Variants in ADH1A observed in about 807,000 individuals in gnomAD.
ADH1A encodes the protein alcohol dehydrogenase 1A (class I), alpha polypeptide, also known as alcohol dehydrogenase 1A.
A neutral mutation model predicts 35.2 loss-of-function variants in ADH1A; 29 were observed. The observed-to-expected ratio is 0.82, with a 90% CI of 0.61 to 1.12. ADH1A has a LOEUF of 1.12. Among genes scored for constraint, ADH1A ranks in the 50% most tolerant of loss-of-function variants. The pLI, the probability that ADH1A is intolerant of heterozygous loss-of-function variation, is 0.00. For missense variants in ADH1A, 469 were observed against 464.7 expected (o/e 1.01, Z -0.09); for synonymous variants, 147 against 164.8 (o/e 0.89, Z 0.83).
chr4:99,285,819 G>A (rs968251090), intron 3 of ADH1A, among the ~76,000 whole-genome samples: 2 of 151,770 alleles, frequency 1.3e-5, no homozygotes, highest in Admixed American at 6.6e-5. Context: ...TCAGGAGATC[G>A]AGACCATCCT....
At chr4:99,289,384 A>T (rs1733237408) in intron 1 of ADH1A, among the ~76,000 whole-genome samples, 1 of 152,176 alleles carries the variant, frequency 6.6e-6, no homozygotes, top group Admixed American at 6.5e-5. Context: ...CTCAGTGATT[A>T]ACTAATTTCT....
At chr4:99,289,166 G>C (rs1453496553) in intron 1 of ADH1A, among the ~76,000 whole-genome samples, 1 of 152,174 alleles carries the variant, frequency 6.6e-6, no homozygotes, top group Non-Finnish European at 1.5e-5. Flanking sequence ...TTTAATGGCT[G>C]AGTAGTATTC....
intron 6 of ADH1A, among the ~76,000 whole-genome samples, chr4:99,281,650 T>G (rs1560517401): frequency 6.6e-6 from 1 of 152,174 alleles, no homozygotes; most frequent in African/African-American, 2.4e-5. Context: ...TATGACAGGC[T>G]GCACTGTGCT....
rs183414252 is a variant in ADH1A at position 99,276,600 on chromosome 4, A to T, written c.*24T>A. ...AGGGTAGAGGAGGCTGAAGACTGCC[A>T]CAAGGGAAAACATCTGTATTGTCTC... On this transcript the variant is annotated 3_prime_UTR_variant, in exon 9 of 9. Coordinates refer to ENST00000209668, the MANE Select transcript of ADH1A (RefSeq NM_000667.4). The T allele has an allele frequency of 9.1e-5, 146 of 1,606,174 alleles. 1 individual carries two copies. The Middle Eastern group carries it at 1.8e-3, about 20-fold the overall frequency.
chr4:99,282,231 G>A, intron 6 of ADH1A, 115 bp downstream of exon 6: 2 of 1,596,930 alleles, frequency 1.3e-6, no homozygotes, highest in Non-Finnish European at 1.7e-6. Flanking sequence ...CAGATGATGG[G>A]AAATTTCCAT....
chr4:99,290,243 G>A (rs1226366375), intron 1 of ADH1A, among the ~76,000 whole-genome samples: 2 of 152,056 alleles, frequency 1.3e-5, no homozygotes, highest in African/African-American at 4.8e-5. Context: ...TTAATTTTCT[G>A]TAAAACCATA....
chr4:99,286,607 A>G (rs28364300), intron 3 of ADH1A: 1 of 517,868 alleles, frequency 1.9e-6, no homozygotes, highest in African/African-American at 1.9e-5. Context: ...CCAGGCTCCA[A>G]CCTGGTGACT....
intron 5 of ADH1A, 106 bp from the exon 6 acceptor site, chr4:99,282,712 A>G (rs1270421385): frequency 1.3e-6 from 2 of 1,507,302 alleles, no homozygotes; most frequent in African/African-American, 1.4e-5. Context: ...CTGTTATCAA[A>G]ACCTCTTTTG....
intron 3 of ADH1A, 39 bp from the exon 4 acceptor site, chr4:99,284,842 C>A: frequency 6.4e-7 from 1 of 1,569,496 alleles, no homozygotes; most frequent in South Asian, 1.1e-5. Context: ...CAATTTCTAT[C>A]CAGGTATTAA....
chr4:99,286,646 T>C, intron 3 of ADH1A: 1 of 785,572 alleles, frequency 1.3e-6, no homozygotes, highest in Non-Finnish European at 2.0e-6. Flanking sequence ...AGTACATAAT[T>C]GTTGAAGGGT....
At chr4:99,281,295 G>T (rs892086405) in intron 6 of ADH1A, 1 of 152,294 alleles carries the variant, frequency 6.6e-6, no homozygotes, top group Middle Eastern at 3.4e-3. Context: ...GACTTTTTCA[G>T]TAGGATTCTA....
chr4:99,288,837 G>A (rs1172293829), intron 1 of ADH1A: 1 of 152,086 alleles, frequency 6.6e-6, no homozygotes, highest in Admixed American at 6.6e-5. Context: ...AATTTCAATA[G>A]TTTTTGGGGT....
chr4:99,282,096 CA>C (rs1733020409), intron 6 of ADH1A: 1 of 609,564 alleles, frequency 1.6e-6, no homozygotes, highest in African/African-American at 1.8e-5. Flanking sequence ...AATCTATTAT[CA>C]CTCAGTTAAG....
intron 1 of ADH1A, among the ~76,000 whole-genome samples, chr4:99,289,110 A>G (rs960989834): frequency 3.9e-5 from 6 of 152,186 alleles, no homozygotes; most frequent in African/African-American, 1.4e-4. Context: ...AATGGTCTCC[A>G]GCTCCATCCA....
intron 1 of ADH1A, among the ~76,000 whole-genome samples, chr4:99,290,276 A>C (rs1271979254): frequency 2.0e-5 from 3 of 152,172 alleles, no homozygotes; most frequent in Non-Finnish European, 4.4e-5. Flanking sequence ...TGGGGAAGAT[A>C]CTGTTCCATA....
chr4:99,290,697 C>A (rs1306079184), intron 1 of ADH1A, among the ~76,000 whole-genome samples, 200 bp downstream of exon 1: 2 of 152,078 alleles, frequency 1.3e-5, no homozygotes, highest in African/African-American at 4.8e-5. Flanking sequence ...TCTATACATT[C>A]TTTTTGAAGG....
chr4:99,276,866 G>A (rs536060697), intron 8 of ADH1A, among the ~76,000 whole-genome samples: 10 of 152,204 alleles, frequency 6.6e-5, no homozygotes, highest in African/African-American at 2.4e-4. Flanking sequence ...AACATTCTGA[G>A]TATGCCTGTC....
intron 8 of ADH1A, among the ~76,000 whole-genome samples, chr4:99,277,430 GTCTTTGTGAC>G (rs1732897770): frequency 6.6e-6 from 1 of 151,810 alleles, no homozygotes; most frequent in African/African-American, 2.4e-5. Context: ...GAAAATGATG[GTCTTTGTGAC>G]TCTTTAATAA....
rs1733104359 is a variant in ADH1A, at chr4:99,284,771, A to G, written c.292T>C (p.Cys98Arg). The G allele has an allele frequency of 6.2e-7, 1 of 1,614,192 alleles. No individual in the cohort carries two copies. The highest frequency in any genetic ancestry group is 8.5e-7 in the Non-Finnish European group (1 of 1,180,034). ...DKVIPLAIPQCGKCRICKNPE... is the reference protein window; with the variant it reads ...DKVIPLAIPQRGKCRICKNPE... Reference sequence around the variant, plus strand: ...TTTTTACAAATTCTGCATTTTCCACACTGAGGAATAGCGAGTGGGATGACT... The same window carrying G: ...TTTTTACAAATTCTGCATTTTCCACGCTGAGGAATAGCGAGTGGGATGACT... The change falls in exon 4 of 9, where the codon TGT becomes CGT. Residue 98 changes from cysteine (C) to arginine (R), a missense_variant. By Grantham distance (180) the Cys-to-Arg change is radical (BLOSUM62 -3). Transcript: ENST00000209668.
Sources: allele counts gnomAD v4.1 joint callset (sites outside exome capture counted in the v4.1 genomes callset), GRCh38; gene constraint gnomAD v4.1.1; transcripts MANE v1.5; gene names NCBI Gene and HGNC (gene_info 2026-07-23, HGNC 2026-07-21).